Variants in RFX3 observed in about 807,000 individuals in gnomAD.
The protein encoded by RFX3 is regulatory factor X3.
A neutral mutation model predicts 98.6 loss-of-function variants in RFX3; 14 were observed. That is an observed-to-expected ratio of 0.14 (90% CI 0.09 to 0.22). The LOEUF (loss-of-function observed/expected upper bound fraction) is 0.22, where lower values mean the gene tolerates loss of function less well. Among genes scored for constraint, RFX3 ranks in the 10% least tolerant of loss-of-function variants. The pLI, the probability that RFX3 is intolerant of heterozygous loss-of-function variation, is 1.00. For missense variants in RFX3, 639 were observed against 926.9 expected (o/e 0.69, Z 4.03); for synonymous variants, 383 against 328.4 (o/e 1.17, Z -1.80).
At chr9:3,486,128 C>CAAAAAA (rs772747349) in intron 1 of RFX3, among the ~76,000 whole-genome samples, 382 of 48,654 alleles carry the variant, frequency 7.9e-3, no homozygotes, top group Non-Finnish European at 9.0e-3. Context: ...TGTCTCAAAC[C>CAAAAAA]AAAAAAAAAA....
At chr9:3,293,013 T>C in intron 6 of RFX3, 64 bp downstream of exon 6, 1 of 1,292,692 alleles carries the variant, frequency 7.7e-7, no homozygotes, top group Middle Eastern at 2.0e-4. Flanking sequence ...GTTTAAACAA[T>C]ATATTGAATT....
At chr9:3,346,508 T>C (rs1043874608) in intron 3 of RFX3, among the ~76,000 whole-genome samples, 159 bp downstream of exon 3, 1 of 150,386 alleles carries the variant, frequency 6.6e-6, no homozygotes, top group Non-Finnish European at 1.5e-5. Flanking sequence ...TTAATAAATA[T>C]AGACAAAAGC....
intron 1 of RFX3, among the ~76,000 whole-genome samples, chr9:3,466,260 A>G (rs1848206595): frequency 6.6e-6 from 1 of 152,180 alleles, no homozygotes; most frequent in African/African-American, 2.4e-5. Flanking sequence ...AGGTATACAT[A>G]TATGCTTAAG....
chr9:3,469,950 T>G (rs186145702), intron 1 of RFX3, among the ~76,000 whole-genome samples: 1 of 152,130 alleles, frequency 6.6e-6, no homozygotes, highest in Non-Finnish European at 1.5e-5. Context: ...GATGCTGATT[T>G]GCCACAAGCA....
chr9:3,241,970 G>C (rs1461591903), intron 15 of RFX3, among the ~76,000 whole-genome samples: 1 of 152,226 alleles, frequency 6.6e-6, no homozygotes, highest in Admixed American at 6.5e-5. Context: ...CCTGGCTTGT[G>C]ATTGTCAGAG....
chr9:3,305,134 A>T lies in RFX3; in HGVS notation c.475-3514T>A, dbSNP rs1379338968. Among the ~76,000 whole-genome samples, 4 of 152,066 alleles carry T rather than the reference A, an allele frequency of 2.6e-5. No homozygotes were observed. In the East Asian group the frequency reaches 7.7e-4, roughly 29 times the overall value. ...CGACTTAATAGAGCCAGGAGGCAAG[A>T]AAGCACAGGCTGTGTCCATATTTGG... On this transcript the variant is annotated intron_variant, in intron 4 of 16. Transcript: ENST00000617270.
intron 1 of RFX3, among the ~76,000 whole-genome samples, chr9:3,459,408 G>T (rs749938414): frequency 1.3e-5 from 2 of 152,062 alleles, no homozygotes; most frequent in Non-Finnish European, 1.5e-5. Flanking sequence ...AAGACACATG[G>T]TAAGTTTCAG....
chr9:3,518,522 T>G (rs1378200250), intron 1 of RFX3, among the ~76,000 whole-genome samples: 1 of 152,076 alleles, frequency 6.6e-6, no homozygotes, highest in Non-Finnish European at 1.5e-5. Flanking sequence ...AAAAGACATA[T>G]AGTATCAGGT....
At chr9:3,346,822 G>T in intron 2 of RFX3, 58 bp from the exon 3 acceptor site, 1 of 1,005,734 alleles carries the variant, frequency 9.9e-7, no homozygotes, top group Non-Finnish European at 1.6e-6. Context: ...AGAATACAGA[G>T]CATTAGATCT....
intron 4 of RFX3, among the ~76,000 whole-genome samples, chr9:3,311,749 G>C (rs772255964): frequency 6.6e-6 from 1 of 151,682 alleles, no homozygotes; most frequent in Non-Finnish European, 1.5e-5. Flanking sequence ...AGCTGGGTGT[G>C]GGTGGGCGCC....
At chr9:3,265,976 ACCACACTTAAAATGCTT>A (rs149101088) in intron 12 of RFX3, among the ~76,000 whole-genome samples, 1,544 of 152,208 alleles carry the variant, frequency 0.01, 27 homozygotes, top group African/African-American at 0.035. Flanking sequence ...TTATAAATGC[ACCACACTTAAAATGCTT>A]CCCTATTCTC....
At chr9:3,473,839 G>C (rs34116280) in intron 1 of RFX3, among the ~76,000 whole-genome samples, 3,365 of 152,214 alleles carry the variant, frequency 0.022, 54 homozygotes, top group Non-Finnish European at 0.036. Flanking sequence ...CAAACGCATT[G>C]AAAAGACTTG....
chr9:3,365,622 T>G (rs1836971447), intron 2 of RFX3, among the ~76,000 whole-genome samples: 1 of 152,156 alleles, frequency 6.6e-6, no homozygotes, highest in Non-Finnish European at 1.5e-5. Flanking sequence ...TATTACCTAC[T>G]TTTTAGGAGA....
chr9:3,491,293 C>T (rs1324490001), intron 1 of RFX3, among the ~76,000 whole-genome samples: 1 of 152,050 alleles, frequency 6.6e-6, no homozygotes, highest in African/African-American at 2.4e-5. Context: ...AAACCAGATA[C>T]ATCAAAAATG....
chr9:3,261,722 C>A (rs1480860551), intron 13 of RFX3, among the ~76,000 whole-genome samples: 1 of 152,112 alleles, frequency 6.6e-6, no homozygotes, highest in Non-Finnish European at 1.5e-5. Context: ...CAAACTGCCA[C>A]ACTGTTTTCC....
At chr9:3,392,944 A>G (rs1840462056) in intron 2 of RFX3, among the ~76,000 whole-genome samples, 1 of 152,004 alleles carries the variant, frequency 6.6e-6, no homozygotes. Flanking sequence ...TACTGAATTT[A>G]CTGAAATTAA....
At chr9:3,268,127 T>C (rs546428922) in intron 11 of RFX3, among the ~76,000 whole-genome samples, 5 of 151,998 alleles carry the variant, frequency 3.3e-5, no homozygotes, top group African/African-American at 1.2e-4. Flanking sequence ...TGTTACCCAT[T>C]GAGTGCTCAT....
chr9:3,237,639 T>C (rs1819340965), intron 15 of RFX3, among the ~76,000 whole-genome samples: 1 of 152,206 alleles, frequency 6.6e-6, no homozygotes, highest in Admixed American at 6.5e-5. Context: ...TGCCTGCCTA[T>C]CTACTCTACT....
intron 1 of RFX3, among the ~76,000 whole-genome samples, chr9:3,425,756 C>A (rs1010700413): frequency 6.6e-6 from 1 of 152,114 alleles, no homozygotes; most frequent in African/African-American, 2.4e-5. Context: ...ATGCTCTTCA[C>A]CTCTGTAATT....
Sources: gnomAD v4.1 joint callset for allele counts (sites outside exome capture counted in the v4.1 genomes callset) on GRCh38, gnomAD v4.1.1 for gene constraint, MANE v1.5 for transcripts, NCBI Gene and HGNC (gene_info 2026-07-23, HGNC 2026-07-21) for gene names.